GAB4: variants seen among roughly 807,000 people sequenced by gnomAD.
The protein encoded by GAB4 is GRB2 associated binding protein family member 4.
GAB4 carries 26 observed loss-of-function variants against 51.3 expected under a neutral mutation model. That is an observed-to-expected ratio of 0.51 (90% CI 0.37 to 0.70). GAB4 has a LOEUF of 0.70. GAB4 is among the 30% of genes least tolerant of loss of function. The pLI, the probability that GAB4 is intolerant of heterozygous loss-of-function variation, is 0.00. For missense variants in GAB4, 759 were observed against 734.6 expected (o/e 1.03, Z -0.38); for synonymous variants, 329 against 291.2 (o/e 1.13, Z -1.32).
chr22:16,965,217 G>T lies in GAB4; in HGVS notation c.1340C>A (p.Ser447Tyr). 1 of 1,614,088 alleles carries T rather than the reference G, an allele frequency of 6.2e-7. No homozygotes were observed. Among genetic ancestry groups the T allele is most frequent in the Non-Finnish European group, 8.5e-7 (1 of 1,179,976 alleles). The change falls in exon 7 of 10, where the codon TCC becomes TAC. Residue 447 changes from serine to tyrosine, a missense_variant. This residue lies in a region of GAB4 where 588 missense variants were observed against 510.2 expected (regional missense o/e 1.15). Transcript: ENST00000400588. ...LRNNRVINELSFKPPVTEPWS... is the reference protein window; with the variant it reads ...LRNNRVINELYFKPPVTEPWS... ...GGGCTCTGTGACAGGTGGCTTGAAG[G>T]AGAGCTCATTGATGACCCTGTTGTT...
chr22:16,969,139 A>G (rs2060707919), intron 4 of GAB4, among the ~76,000 whole-genome samples: 1 of 152,270 alleles, frequency 6.6e-6, no homozygotes, highest in Admixed American at 6.5e-5. Flanking sequence ...TGAGAAAAGA[A>G]TCTAGGTATT....
chr22:17,004,558 A>G (rs1417459387), intron 1 of GAB4, among the ~76,000 whole-genome samples: 2 of 152,236 alleles, frequency 1.3e-5, no homozygotes, highest in Non-Finnish European at 2.9e-5. Context: ...TCACACAAAA[A>G]GAACCAATGA....
chr22:17,005,230 A>G (rs977575655), intron 1 of GAB4, among the ~76,000 whole-genome samples: 5 of 152,238 alleles, frequency 3.3e-5, no homozygotes, highest in African/African-American at 9.6e-5. Context: ...GAGCCAAATC[A>G]TGAGTGAACT....
At chr22:17,004,566 T>G (rs2061024606) in intron 1 of GAB4, among the ~76,000 whole-genome samples, 1 of 152,128 alleles carries the variant, frequency 6.6e-6, no homozygotes, top group Non-Finnish European at 1.5e-5. Flanking sequence ...AAAGAACCAA[T>G]GACAAAAACC....
At chr22:16,985,544 T>C (rs909280837) in intron 3 of GAB4, among the ~76,000 whole-genome samples, 3 of 152,258 alleles carry the variant, frequency 2.0e-5, no homozygotes, top group Admixed American at 6.5e-5. Context: ...ATGCAAGCTA[T>C]GCCACTACCA....
chr22:17,005,781 A>G (rs2061035633), intron 1 of GAB4, among the ~76,000 whole-genome samples: 1 of 152,240 alleles, frequency 6.6e-6, no homozygotes, highest in South Asian at 2.1e-4. Context: ...GGTGTTGGGA[A>G]AACTGGCTAG....
At chr22:16,968,524 C>G (rs1281129708) in intron 4 of GAB4, 141 bp from the exon 5 acceptor site, 1 of 661,854 alleles carries the variant, frequency 1.5e-6, no homozygotes, top group Non-Finnish European at 2.8e-6. Flanking sequence ...AGCGTTACCT[C>G]TAACACATCC....
intron 1 of GAB4, among the ~76,000 whole-genome samples, chr22:16,997,325 T>C (rs548720270): frequency 6.6e-6 from 1 of 152,368 alleles, no homozygotes; most frequent in African/African-American, 2.4e-5. Context: ...GACTTTTTAA[T>C]GACTGCCATT....
intron 3 of GAB4, among the ~76,000 whole-genome samples, chr22:16,982,666 A>G (rs2060836003): frequency 6.6e-6 from 1 of 152,230 alleles, no homozygotes; most frequent in African/African-American, 2.4e-5. Context: ...TAAAATTTAT[A>G]TGAAACCACA....
Position 16,966,256 on chromosome 22 carries a change from C to A in GAB4, c.1132G>T (p.Asp378Tyr). The part of the protein sequence containing the change: ...TLPAVKQAGD[D>Y]SQGVCIPVGS... ...ACAGGGATGCAGACACCCTGGGAATCATCGCCTGCTTGCTTCACAGCCGGC... is the reference window on the plus strand; with the variant it reads ...ACAGGGATGCAGACACCCTGGGAATAATCGCCTGCTTGCTTCACAGCCGGC... The change falls in exon 6 of 10, where the codon GAT (aspartate) becomes TAT (tyrosine). Residue 378 changes from aspartate to tyrosine, a missense_variant. Asp to Tyr is a radical substitution (Grantham distance 160, BLOSUM62 -3). Around this residue, in one of 3 missense-constraint regions of GAB4, gnomAD observed 588 missense variants for 510.2 expected, o/e 1.15. Transcript: ENST00000400588. 1 of 1,614,020 alleles carries A rather than the reference C, an allele frequency of 6.2e-7. No homozygotes were observed. Among genetic ancestry groups the A allele is most frequent in the Non-Finnish European group, 8.5e-7 (1 of 1,180,024 alleles).
In GAB4 at chr22:17,008,055, C is replaced by T. The variant is rs779700569; in HGVS notation, c.60G>A (p.Ala20=). 5 of 1,608,174 alleles carry T rather than the reference C, an allele frequency of 3.1e-6. No homozygotes were observed. The highest frequency in any genetic ancestry group is 2.2e-5 in the East Asian group (1 of 44,706). Residue 20 remains alanine (A), a synonymous_variant, in exon 1 of 10, where the codon GCG becomes GCA. Transcript: ENST00000400588. ...RELCPPDPAF[A]PLSSWPGSGP... is the part of the protein sequence containing the mutation. ...CACTTCCGGGCCACGAAGACAAAGG[C>T]GCAAATGCCGGGTCAGGTGGGCACA...
At chr22:16,986,546 T>C (rs374177652) in intron 3 of GAB4, among the ~76,000 whole-genome samples, 1 of 152,156 alleles carries the variant, frequency 6.6e-6, no homozygotes, top group Admixed American at 6.5e-5. Flanking sequence ...ATAAGGAAGT[T>C]GAAGGTCAAA....
intron 1 of GAB4, among the ~76,000 whole-genome samples, chr22:16,995,303 G>A (rs1353985117): frequency 6.6e-6 from 1 of 152,154 alleles, no homozygotes; most frequent in Non-Finnish European, 1.5e-5. Context: ...TGGATTGCTC[G>A]GCTCCAGTCT....
intron 1 of GAB4, among the ~76,000 whole-genome samples, chr22:16,997,064 T>C (rs1246201961): frequency 6.6e-6 from 1 of 151,898 alleles, no homozygotes; most frequent in Non-Finnish European, 1.5e-5. Flanking sequence ...TCTGGTTGGT[T>C]CCAAGTCTTT....
At chr22:16,969,609 T>G (rs990468681) in intron 4 of GAB4, 3 of 603,200 alleles carry the variant, frequency 5.0e-6, no homozygotes, top group Non-Finnish European at 8.8e-6. Context: ...GGGCTCATAC[T>G]GACCTTGGTG....
At chr22:17,004,313 C>A (rs2061021825) in intron 1 of GAB4, among the ~76,000 whole-genome samples, 3 of 152,190 alleles carry the variant, frequency 2.0e-5, no homozygotes, top group African/African-American at 7.2e-5. Context: ...AGGGACTCCT[C>A]CCTAACTCAT....
intron 1 of GAB4, among the ~76,000 whole-genome samples, chr22:17,003,186 C>T (rs959139960): frequency 2.0e-5 from 3 of 152,172 alleles, no homozygotes; most frequent in Non-Finnish European, 4.4e-5. Context: ...TAAGCAAGTT[C>T]TTAGTGACCT....
chr22:16,996,867 T>C (rs914071660), intron 1 of GAB4, among the ~76,000 whole-genome samples: 1 of 135,296 alleles, frequency 7.4e-6, no homozygotes, highest in Non-Finnish European at 1.5e-5. Flanking sequence ...TGTGTCCAAG[T>C]GTTCTCATTG....
At chr22:16,993,841 T>C (rs747156653) in intron 1 of GAB4, among the ~76,000 whole-genome samples, 2 of 152,292 alleles carry the variant, frequency 1.3e-5, no homozygotes, top group Non-Finnish European at 1.5e-5. Context: ...ATATAAGCAA[T>C]GAAAAGAGAA....
Sources: gnomAD v4.1 joint callset for allele counts (sites outside exome capture counted in the v4.1 genomes callset) on GRCh38, gnomAD v4.1.1 for gene constraint, gnomAD v4.1.1 regional missense constraint, MANE v1.5 for transcripts, NCBI Gene and HGNC (gene_info 2026-07-23, HGNC 2026-07-21) for gene names.